The following LIN52 variants were observed in gnomAD, a reference collection of about 807,000 sequenced individuals.
LIN52 encodes protein lin-52 homolog.
Under a neutral mutation model 18.5 loss-of-function variants are expected in LIN52, and 4 were observed. The observed-to-expected ratio is 0.22, with a 90% CI of 0.11 to 0.49. The LOEUF is 0.49. Among genes scored for constraint, LIN52 ranks in the 20% least tolerant of loss-of-function variants. The probability of loss-of-function intolerance (pLI) is 0.97; values close to 1 mark genes in which losing one functional copy is unlikely to be tolerated. For missense variants in LIN52, 102 were observed against 139.5 expected, an observed-to-expected ratio of 0.73 and a Z score of 1.35; for synonymous variants, 34 against 45.5, an observed-to-expected ratio of 0.75 and a Z score of 1.02.
At chr14:74,111,652 T>C (rs1196674085) in intron 5 of LIN52, among the ~76,000 whole-genome samples, 2 of 129,098 alleles carry the variant, frequency 1.5e-5, no homozygotes, top group South Asian at 2.4e-4. Flanking sequence ...TTATTTATTT[T>C]TGTGGGCTGA....
At chr14:74,085,044 T>C in intron 1 of LIN52, 51 bp downstream of exon 1, 1 of 1,337,216 alleles carries the variant, frequency 7.5e-7, no homozygotes, top group Non-Finnish European at 9.7e-7. Context: ...TTTGCTCTAC[T>C]GGGAACATCC....
intron 5 of LIN52, among the ~76,000 whole-genome samples, chr14:74,171,528 T>G (rs1158297214): frequency 6.6e-6 from 1 of 152,034 alleles, no homozygotes; most frequent in Admixed American, 6.6e-5. Flanking sequence ...GTAAATTTTA[T>G]TGACAGGCAT....
In LIN52 at chr14:74,095,963, A is replaced by G. The variant is rs778134924; in HGVS notation, c.110A>G (p.Glu37Gly). ...TTCTTTTTAGTACCAGGTGTTGCTGAATTTGCAGCTTCCTTCAAAAGTGTA... is the reference window on the plus strand; with the variant it reads ...TTCTTTTTAGTACCAGGTGTTGCTGGATTTGCAGCTTCCTTCAAAAGTGTA... ...LWPEQLPGVA[E>G]FAASFKSPIT... The change falls in exon 3 of 6, where the codon GAA becomes GGA. Residue 37 changes from glutamate (E) to glycine (G), a missense_variant. Coordinates refer to ENST00000555028, the MANE Select transcript of LIN52 (RefSeq NM_001024674.3). 2.5e-6 allele frequency: 4 copies of G among 1,609,480 alleles called. No homozygotes were observed.
At chr14:74,087,793 A>G (rs1303530468) in intron 1 of LIN52, among the ~76,000 whole-genome samples, 1 of 152,232 alleles carries the variant, frequency 6.6e-6, no homozygotes, top group Non-Finnish European at 1.5e-5. Context: ...TGAAATTCAA[A>G]TACAGCCATC....
chr14:74,145,894 A>C (rs779330761), intron 5 of LIN52, among the ~76,000 whole-genome samples: 5 of 152,176 alleles, frequency 3.3e-5, no homozygotes, highest in Admixed American at 1.3e-4. Flanking sequence ...CAATATTTGG[A>C]AAGACATTCC....
intron 2 of LIN52, 139 bp from the exon 3 acceptor site, chr14:74,095,809 A>G: frequency 2.0e-6 from 1 of 505,398 alleles, no homozygotes; most frequent in Admixed American, 4.0e-5. Flanking sequence ...GGACTGAAAC[A>G]GTGTTATAGT....
At chr14:74,195,556 A>ACG (rs1555385483) in intron 5 of LIN52, among the ~76,000 whole-genome samples, 4,463 of 149,652 alleles carry the variant, frequency 0.03, 224 homozygotes, top group African/African-American at 0.1. Context: ...GTGTGTGTGT[A>ACG]TGTGTGTGTG....
chr14:74,113,667 T>C (rs1002632168), intron 5 of LIN52, among the ~76,000 whole-genome samples: 2 of 152,182 alleles, frequency 1.3e-5, no homozygotes, highest in African/African-American at 2.4e-5. Context: ...GCATGTGAAA[T>C]GTTCTTTAAA....
intron 4 of LIN52, among the ~76,000 whole-genome samples, chr14:74,098,673 G>A (rs1167229059): frequency 2.7e-5 from 4 of 150,906 alleles, no homozygotes; most frequent in African/African-American, 9.7e-5. Context: ...TCAGCCTCCC[G>A]AGTAGCTGGA....
At chr14:74,111,273 G>A (rs756026316) in intron 5 of LIN52, among the ~76,000 whole-genome samples, 3 of 152,088 alleles carry the variant, frequency 2.0e-5, no homozygotes, top group Non-Finnish European at 4.4e-5. Flanking sequence ...AGGGAAGGGA[G>A]AGTATAACTG....
intron 1 of LIN52, among the ~76,000 whole-genome samples, chr14:74,090,813 G>A (rs1266672818): frequency 6.6e-6 from 1 of 152,186 alleles, no homozygotes; most frequent in East Asian, 1.9e-4. Context: ...GCTAGAGAAG[G>A]TAGAAACTGA....
At chr14:74,149,855 C>CT (rs2061168926) in intron 5 of LIN52, among the ~76,000 whole-genome samples, 1 of 152,074 alleles carries the variant, frequency 6.6e-6, no homozygotes, top group Admixed American at 6.6e-5. Flanking sequence ...GCAAAATAGT[C>CT]TTCTACCAAC....
chr14:74,157,627 AT>A (rs1241695919), intron 5 of LIN52, among the ~76,000 whole-genome samples: 7 of 151,246 alleles, frequency 4.6e-5, no homozygotes. Context: ...CACCTGGCTC[AT>A]TTTTTGATAT....
At chr14:74,126,944 A>G (rs1198343895) in intron 5 of LIN52, among the ~76,000 whole-genome samples, 1 of 152,240 alleles carries the variant, frequency 6.6e-6, no homozygotes, top group Admixed American at 6.5e-5. Context: ...TAAATTTAAA[A>G]TATTATTACA....
chr14:74,151,606 A>G (rs1007498849), intron 5 of LIN52, among the ~76,000 whole-genome samples: 4 of 152,302 alleles, frequency 2.6e-5, no homozygotes, highest in East Asian at 3.9e-4. Context: ...AAATTGTCTT[A>G]TAATAGTAGT....
intron 5 of LIN52, among the ~76,000 whole-genome samples, chr14:74,151,313 G>C (rs538029526): frequency 6.6e-6 from 1 of 152,274 alleles, no homozygotes; most frequent in Non-Finnish European, 1.5e-5. Flanking sequence ...AACATACAGA[G>C]TAAGAGGAAG....
intron 5 of LIN52, among the ~76,000 whole-genome samples, chr14:74,113,451 G>A (rs1469073493): frequency 6.6e-6 from 1 of 152,044 alleles, no homozygotes; most frequent in Non-Finnish European, 1.5e-5. Flanking sequence ...GGGTAGAAAT[G>A]GAAAGGGAGC....
At chr14:74,135,212 G>A (rs1010863300) in intron 5 of LIN52, among the ~76,000 whole-genome samples, 1 of 152,052 alleles carries the variant, frequency 6.6e-6, no homozygotes, top group African/African-American at 2.4e-5. Flanking sequence ...CTACAGTCGC[G>A]TACCACCACG....
At chr14:74,182,680 T>C (rs2061323374) in intron 5 of LIN52, among the ~76,000 whole-genome samples, 2 of 152,290 alleles carry the variant, frequency 1.3e-5, no homozygotes, top group South Asian at 4.1e-4. Context: ...CTATTCCTTT[T>C]TGTGACTTGT....
Sources: gnomAD v4.1 joint callset for allele counts (sites outside exome capture counted in the v4.1 genomes callset) on GRCh38, gnomAD v4.1.1 for gene constraint, MANE v1.5 for transcripts, NCBI Gene and HGNC (gene_info 2026-07-23, HGNC 2026-07-21) for gene names.